Variants in NOTCH1 observed in about 807,000 individuals in gnomAD.
NOTCH1 encodes notch receptor 1, also known as neurogenic locus notch homolog protein 1.
A neutral mutation model predicts 254.8 loss-of-function variants in NOTCH1; 37 were observed. That is an observed-to-expected ratio of 0.15 (90% CI 0.11 to 0.19). The LOEUF is 0.19. NOTCH1 is among the 10% of genes least tolerant of loss of function. The pLI, the probability that NOTCH1 is intolerant of heterozygous loss-of-function variation, is 1.00. For synonymous variants in NOTCH1, 1,731 were observed against 1,618.1 expected, an observed-to-expected ratio of 1.07 and a Z score of -1.68; for missense variants, 2,972 against 3,708.6, an observed-to-expected ratio of 0.80 and a Z score of 5.16.
intron 2 of NOTCH1, among the ~76,000 whole-genome samples, chr9:136,539,735 G>A (rs976501067): frequency 4.6e-5 from 7 of 152,144 alleles, no homozygotes; most frequent in Non-Finnish European, 7.3e-5. Flanking sequence ...AGGCCTTTCC[G>A]CTCAGCTCAG....
intron 2 of NOTCH1, among the ~76,000 whole-genome samples, chr9:136,535,925 G>A (rs1843647357): frequency 7.7e-6 from 1 of 129,196 alleles, no homozygotes; most frequent in African/African-American, 2.9e-5. Flanking sequence ...CCGGGGCAAT[G>A]AGTGCAGGGT....
intron 2 of NOTCH1, among the ~76,000 whole-genome samples, chr9:136,535,480 T>A: frequency 8.2e-6 from 1 of 121,786 alleles, no homozygotes; most frequent in South Asian, 2.7e-4. Flanking sequence ...GCACTCAGGA[T>A]CCCTCCCAGG....
In NOTCH1 at chr9:136,515,563, G is replaced by C. The variant is rs558914849; in HGVS notation, c.1823C>G (p.Ser608Cys). The C allele has an allele frequency of 6.2e-7, 1 of 1,611,076 alleles. No individual in the cohort carries two copies. Among genetic ancestry groups the C allele is most frequent in the South Asian group, 1.1e-5 (1 of 91,056 alleles). Residue 608 changes from serine (S) to cysteine (C), a missense_variant, in exon 11 of 34, where the codon TCC (serine) becomes TGC (cysteine). Ser to Cys is a moderately radical substitution (Grantham distance 112). Coordinates refer to ENST00000651671, the MANE Select transcript of NOTCH1 (RefSeq NM_017617.5). The stretch of plus-strand genomic sequence containing the variant: ...GCCCCCGTGGCGGCAGGGCTGGCTG[G>C]AGCACTCGTTGATGTTGGTCTCGCA... ...HHCETNINEC[S>C]SQPCRHGGTC... is the part of the protein sequence containing the mutation.
rs1267514539 is a variant in NOTCH1, at chr9:136,540,113, C to A, written c.140+3911G>T. Among the ~76,000 whole-genome samples the A allele has an allele frequency of 6.6e-6, 1 of 152,206 alleles. No individual in the cohort carries two copies. The highest frequency in any genetic ancestry group is 2.4e-5 in the African/African-American group (1 of 41,440). On this transcript the variant is annotated intron_variant, in intron 2 of 33. Transcript: ENST00000651671. This position sits in a 1 kb window ranked among gnomAD's most constrained non-coding sequence, Gnocchi z 4.4. ...TCTTCTCACTTATCGGTGCCTGATC[C>A]AGACAGCTTTACGGGGCTGCCGGGA...
At chr9:136,502,162 C>T (rs1843008085) in intron 28 of NOTCH1, 74 bp from the exon 29 acceptor site, 13 of 1,597,400 alleles carry the variant, frequency 8.1e-6, no homozygotes, top group Non-Finnish European at 1.0e-5. Context: ...TGGCCCGGGC[C>T]TGGCGTGGGA....
intron 13 of NOTCH1, among the ~76,000 whole-genome samples, chr9:136,514,099 C>T (rs9411207): frequency 0.46 from 70,460 of 152,112 alleles, 17,600 homozygotes; most frequent in East Asian, 0.85. Context: ...ACCACTTGCC[C>T]GCTGTGTGGC....
In NOTCH1 at chr9:136,515,517, G is replaced by T. The variant is rs376726823; in HGVS notation, c.1869C>A (p.Asn623Lys). Residue 623 changes from asparagine (N) to lysine (K), a missense_variant, in exon 11 of 34, where the codon AAC becomes AAA. Physicochemically the swap from Asn to Lys is moderately conservative, Grantham distance 94. Transcript: ENST00000651671. ...CCTTCAGGCAGAAGCAGAGGTAGGC[G>T]TTGTCGCGGTCCTGGCAGGTGCCCC... Reference protein sequence around the residue: ...RHGGTCQDRDNAYLCFCLKGT... With the variant: ...RHGGTCQDRDKAYLCFCLKGT... 1 of 1,611,870 alleles carries T rather than the reference G, an allele frequency of 6.2e-7. No homozygotes were observed. The highest frequency in any genetic ancestry group is 8.5e-7 in the Non-Finnish European group (1 of 1,179,800).
intron 2 of NOTCH1, among the ~76,000 whole-genome samples, chr9:136,526,915 G>C (rs1033024008): frequency 2.0e-5 from 3 of 152,222 alleles, no homozygotes; most frequent in Non-Finnish European, 2.9e-5. Context: ...AGGCTCCCGT[G>C]GGGGAATGCA....
intron 16 of NOTCH1, 63 bp from the exon 17 acceptor site, chr9:136,510,868 G>T: frequency 6.3e-6 from 10 of 1,595,304 alleles, no homozygotes; most frequent in Non-Finnish European, 7.7e-6. Flanking sequence ...CCCTTCCCAG[G>T]CTGGCCCACC....
At chr9:136,528,392 TG>T (rs1327834732) in intron 2 of NOTCH1, among the ~76,000 whole-genome samples, 631 of 16,310 alleles carry the variant, frequency 0.039, no homozygotes, top group Middle Eastern at 0.11. Context: ...GCAGGGACAG[TG>T]GGGGGGGATG....
chr9:136,507,318 T>G lies in NOTCH1; in HGVS notation c.3630A>C (p.Pro1210=). Residue 1210 remains proline (P), a synonymous_variant, in exon 22 of 34, where the codon CCA becomes CCC. Coordinates refer to ENST00000651671, the MANE Select transcript of NOTCH1 (RefSeq NM_017617.5). ...AGCGGCCCTTACCCTGAGTGCCCCG[T>G]GGGCAGGAGCACTTGTAGGTGTTGG... The part of the protein sequence containing the change: ...DLPNTYKCSC[P]RGTQGVHCEI... The G allele has an allele frequency of 3.1e-6, 5 of 1,612,868 alleles. No individual in the cohort carries two copies. The highest frequency in any genetic ancestry group is 4.2e-6 in the Non-Finnish European group (5 of 1,179,918).
chr9:136,527,100 G>C (rs1303988824), intron 2 of NOTCH1, among the ~76,000 whole-genome samples: 1 of 152,174 alleles, frequency 6.6e-6, no homozygotes, highest in African/African-American at 2.4e-5. Flanking sequence ...GTCTGTGTGT[G>C]GGGGGCAGCT....
chr9:136,502,716 C>CT, intron 27 of NOTCH1: 1 of 573,628 alleles, frequency 1.7e-6, no homozygotes, highest in South Asian at 2.1e-5. Flanking sequence ...ACGGCTTTTA[C>CT]TTTTTTCTCC....
chr9:136,516,185 G>C, intron 9 of NOTCH1, 91 bp from the exon 10 acceptor site: 1 of 969,746 alleles, frequency 1.0e-6, no homozygotes, highest in Middle Eastern at 2.7e-4. Context: ...GTGAGCGCCT[G>C]GCTGGGCTCC....
At chr9:136,517,205 G>A (rs892986996) in intron 9 of NOTCH1, 67 bp downstream of exon 9, 61 of 1,027,844 alleles carry the variant, frequency 5.9e-5, no homozygotes, top group Non-Finnish European at 8.2e-5. Context: ...CACAACCCAC[G>A]CCCAGGCACC....
intron 15 of NOTCH1, among the ~76,000 whole-genome samples, chr9:136,512,160 T>G (rs1270333639): frequency 6.6e-6 from 1 of 152,174 alleles, no homozygotes. Context: ...GATCGACGTG[T>G]CTGAAAGGGA....
chr9:136,538,357 C>T (rs377704545), intron 2 of NOTCH1, among the ~76,000 whole-genome samples: 2 of 152,236 alleles, frequency 1.3e-5, no homozygotes, highest in African/African-American at 4.8e-5. Flanking sequence ...ACCACCACGC[C>T]TTCAGCCCGC....
At position 136,506,889 on chromosome 9, in the gene NOTCH1, G is replaced by A. The variant is rs1474959824; in HGVS notation, c.3728C>T (p.Thr1243Ile). ...SRSPKCFNNGTCVDQVGGYSC... is the reference protein window; with the variant it reads ...SRSPKCFNNGICVDQVGGYSC... The stretch of plus-strand genomic sequence containing the variant: ...GTAGCCGCCCACCTGGTCCACGCAG[G>A]TGCCGTTGTTAAAGCACTTGGGGCT... The change falls in exon 23 of 34, where the codon ACC becomes ATC. Residue 1243 changes from threonine (T) to isoleucine (I), a missense_variant. This residue lies in a region of NOTCH1 where 1,343 missense variants were observed against 1,557.0 expected (regional missense o/e 0.86). Coordinates refer to ENST00000651671, the MANE Select transcript of NOTCH1 (RefSeq NM_017617.5). The surrounding 1 kb of genome is among the most constrained non-coding windows in gnomAD (Gnocchi z 4.5). 2 of 1,611,624 alleles carry A rather than the reference G, an allele frequency of 1.2e-6. No individual in the cohort carries two copies. The highest frequency in any genetic ancestry group is 1.7e-6 in the Non-Finnish European group (2 of 1,179,396).
In NOTCH1 at chr9:136,504,813, C is replaced by T. The variant is rs748490635; in HGVS notation, c.4878G>A (p.Leu1626=). 1.5e-5 allele frequency: 24 copies of T among 1,566,160 alleles called. No individual in the cohort carries two copies. Among genetic ancestry groups the T allele is most frequent in the Non-Finnish European group, 2.1e-5 (24 of 1,155,914 alleles). ...CGGCACGCTTGATGGGGTGCTTGCG[C>T]AGCTCCTCCTCGCGGCCGTAGTAGG... ...IFPYYGREEE[L]RKHPIKRAAE... The change falls in exon 26 of 34, where the codon CTG becomes CTA. Residue 1626 remains leucine (L), a synonymous_variant. Coordinates refer to ENST00000651671, the MANE Select transcript of NOTCH1 (RefSeq NM_017617.5).
Sources: gnomAD v4.1 joint callset for allele counts (sites outside exome capture counted in the v4.1 genomes callset) on GRCh38, gnomAD v4.1.1 for gene constraint, gnomAD v4.1.1 regional missense constraint, Gnocchi (gnomAD v3.1) non-coding constraint, MANE v1.5 for transcripts, NCBI Gene and HGNC (gene_info 2026-07-23, HGNC 2026-07-21) for gene names.